The following GTF2B variants were observed in gnomAD, a reference collection of about 807,000 sequenced individuals.
GTF2B encodes transcription initiation factor IIB.
Under a neutral mutation model 34.6 loss-of-function variants are expected in GTF2B, and 20 were observed. The ratio of observed to expected loss-of-function variants is 0.58; its 90% CI spans 0.41 to 0.84. The LOEUF (loss-of-function observed/expected upper bound fraction) is 0.84. Ranked by LOEUF, GTF2B falls within the 40% of genes least tolerant of loss-of-function variation. The pLI, the probability that GTF2B is intolerant of heterozygous loss-of-function variation, is 0.00. For synonymous variants in GTF2B, 142 were observed against 132.4 expected, an observed-to-expected ratio of 1.07 and a Z score of -0.50; for missense variants, 237 against 393.3, an observed-to-expected ratio of 0.60 and a Z score of 3.36.
chr1:88,871,703 A>G (rs1048550522), intron 2 of GTF2B, among the ~76,000 whole-genome samples: 3 of 152,198 alleles, frequency 2.0e-5, no homozygotes, highest in Admixed American at 1.3e-4. Context: ...ATTTATGTAT[A>G]AAGTCGTATA....
chr1:88,871,472 G>C (rs931374684), intron 2 of GTF2B, among the ~76,000 whole-genome samples: 3 of 152,120 alleles, frequency 2.0e-5, no homozygotes, highest in Non-Finnish European at 4.4e-5. Flanking sequence ...GGGAAATGTG[G>C]GAAGTTATAC....
At chr1:88,856,291 CA>C (rs1162915523) in intron 6 of GTF2B, among the ~76,000 whole-genome samples, 37 of 86,174 alleles carry the variant, frequency 4.3e-4, no homozygotes, top group African/African-American at 1.4e-3. Context: ...AAAAAAAAAA[CA>C]AAAAAAAAAA....
chr1:88,853,521 T>G (rs556086755), intron 6 of GTF2B, among the ~76,000 whole-genome samples, 175 bp from the exon 7 acceptor site: 4 of 152,282 alleles, frequency 2.6e-5, no homozygotes, highest in Admixed American at 1.3e-4. Flanking sequence ...AAGCGGGAGC[T>G]AGGCCGGGCG....
In GTF2B at chr1:88,857,639, T is replaced by G. The variant is rs971973580; in HGVS notation, c.536-152A>C. ...GAAACCCTAATCATCTCAGTGATAC[T>G]TCCCACAGAGTTAACTGCAAATTTC... On this transcript the variant is annotated intron_variant, in intron 5 of 6. Transcript: ENST00000370500. 9.7e-6 allele frequency: 5 copies of G among 515,398 alleles called. No homozygotes were observed. The African/African-American group carries it at 9.9e-5, about 10-fold the overall frequency. 31.9% of individuals were successfully genotyped at this position (515,398 alleles called of 1,614,324 possible). A position where few individuals can be genotyped will look rare whatever the true frequency, so the allele number is the denominator to read the frequency against.
chr1:88,874,960 A>T (rs886127766), intron 2 of GTF2B, among the ~76,000 whole-genome samples: 2 of 152,148 alleles, frequency 1.3e-5, no homozygotes, highest in African/African-American at 4.8e-5. Context: ...TACTTTGGAA[A>T]ACTATTTTAA....
Position 88,864,008 on chromosome 1 carries a change from A to G in GTF2B, c.231T>C (p.Asp77=), listed in dbSNP as rs141386760. The change falls in exon 3 of 7, where the codon GAT becomes GAC. Residue 77 remains aspartate (D), a synonymous_variant. Transcript: ENST00000370500. ...TGCCAATCATGGTAGACAAATCTCC[A>G]TCACTCAGAAGAGGATTCTGAGAAT... ...VGDSQNPLLS[D]GDLSTMIGKG... 191 of 1,613,196 alleles carry G rather than the reference A, an allele frequency of 1.2e-4. 1 individual carries two copies. The East Asian group carries it at 3.9e-3, about 33-fold the overall frequency.
At chr1:88,855,421 A>G (rs965712292) in intron 6 of GTF2B, among the ~76,000 whole-genome samples, 2 of 139,236 alleles carry the variant, frequency 1.4e-5, no homozygotes, top group African/African-American at 5.5e-5. Flanking sequence ...GGTGCAATCT[A>G]GGCTCACCGC....
intron 2 of GTF2B, among the ~76,000 whole-genome samples, chr1:88,874,335 G>A (rs10218601): frequency 0.12 from 17,560 of 151,162 alleles, 2,459 homozygotes; most frequent in African/African-American, 0.34. Flanking sequence ...TTTTTTGGAG[G>A]TGGGGTCTTG....
In GTF2B at chr1:88,888,427, G is replaced by A. The variant is rs1036542320; in HGVS notation, c.18-1060C>T. On this transcript the variant is annotated intron_variant, in intron 1 of 6. Coordinates refer to ENST00000370500, the MANE Select transcript of GTF2B (RefSeq NM_001514.6). ...CTTCTCATTGGGAACACGGGGGGATGAGTATTACTTCATATTTGTGTTTAT... is the reference window on the plus strand; with the variant it reads ...CTTCTCATTGGGAACACGGGGGGATAAGTATTACTTCATATTTGTGTTTAT... 4.1e-4 allele frequency among the ~76,000 whole-genome samples: 63 copies of A among 152,268 alleles called. 1 individual carries two copies. Among genetic ancestry groups the A allele is most frequent in the African/African-American group, 1.4e-3 (59 of 41,544 alleles).
intron 3 of GTF2B, among the ~76,000 whole-genome samples, chr1:88,862,490 C>A (rs1362150400): frequency 6.6e-6 from 1 of 152,084 alleles, no homozygotes; most frequent in East Asian, 1.9e-4. Context: ...TGCAGTGAGA[C>A]GAGATCAAGC....
chr1:88,881,008 CAAAA>C (rs57528139), intron 2 of GTF2B, among the ~76,000 whole-genome samples: 7 of 92,784 alleles, frequency 7.5e-5, no homozygotes, highest in Admixed American at 1.2e-4. Flanking sequence ...GATGCTGTCT[CAAAA>C]AAAAAAAAAA....
intron 2 of GTF2B, among the ~76,000 whole-genome samples, chr1:88,884,683 A>G (rs1674023781): frequency 6.6e-6 from 1 of 152,162 alleles, no homozygotes; most frequent in Non-Finnish European, 1.5e-5. Flanking sequence ...AAGATATTCT[A>G]TTTTACATTA....
intron 1 of GTF2B, among the ~76,000 whole-genome samples, chr1:88,891,131 GCGC>G (rs1264895432): frequency 3.7e-4 from 46 of 124,080 alleles, no homozygotes; most frequent in Middle Eastern, 3.8e-3. Flanking sequence ...GGGGGGGGGG[GCGC>G]GGGGGAGGAG....
chr1:88,867,245 T>C (rs1673582043), intron 2 of GTF2B, among the ~76,000 whole-genome samples: 1 of 152,232 alleles, frequency 6.6e-6, no homozygotes, highest in Admixed American at 6.5e-5. Context: ...TATTTTCATA[T>C]ATGCTCTGTG....
At position 88,887,313 on chromosome 1, in the gene GTF2B, C is replaced by T. The variant is rs759367481; in HGVS notation, c.72G>A (p.Val24=). 2.5e-6 allele frequency: 4 copies of T among 1,612,960 alleles called. No homozygotes were observed. In the South Asian group the frequency reaches 4.4e-5, roughly 18 times the overall value. Residue 24 remains valine, a synonymous_variant, in exon 2 of 7, where the codon GTG becomes GTA. Coordinates refer to ENST00000370500, the MANE Select transcript of GTF2B (RefSeq NM_001514.6). Reference sequence around the variant, plus strand: ...TCATATCACCGGCTCTGTAGTCCTCCACTAAAATCGCATCTGGATGGTTTG... The same window carrying T: ...TCATATCACCGGCTCTGTAGTCCTCTACTAAAATCGCATCTGGATGGTTTG... ...TCPNHPDAIL[V]EDYRAGDMIC... is the part of the protein sequence containing the mutation.
chr1:88,859,646 G>A (rs1673391751), intron 5 of GTF2B, among the ~76,000 whole-genome samples: 1 of 152,132 alleles, frequency 6.6e-6, no homozygotes, highest in Non-Finnish European at 1.5e-5. Flanking sequence ...GACCAGCCTG[G>A]CCAACATGGC....
At chr1:88,856,272 C>CAAAAACAAAAAAA (rs1673303067) in intron 6 of GTF2B, among the ~76,000 whole-genome samples, 2 of 50,026 alleles carry the variant, frequency 4.0e-5, no homozygotes, top group Non-Finnish European at 6.7e-5. Context: ...GTTTCAAAAA[C>CAAAAACAAAAAAA]AAAAAAAAAA....
At chr1:88,859,857 C>A in intron 5 of GTF2B, 25 bp downstream of exon 5, 2 of 1,603,468 alleles carry the variant, frequency 1.2e-6, no homozygotes, top group African/African-American at 2.7e-5. Context: ...CAAACAAACA[C>A]AAAAAAACAA....
intron 2 of GTF2B, among the ~76,000 whole-genome samples, chr1:88,884,513 T>C (rs746772641): frequency 2.0e-5 from 3 of 152,240 alleles, no homozygotes; most frequent in Non-Finnish European, 4.4e-5. Context: ...AATAAATTTA[T>C]TTTCTCTGCA....
Sources: allele counts gnomAD v4.1 joint callset (sites outside exome capture counted in the v4.1 genomes callset), GRCh38; gene constraint gnomAD v4.1.1; transcripts MANE v1.5; gene names NCBI Gene and HGNC (gene_info 2026-07-23, HGNC 2026-07-21).